Variants in OR3A1 observed in about 807,000 individuals in gnomAD.
OR3A1 encodes olfactory receptor family 3 subfamily A member 1.
For synonymous variants in OR3A1, 145 were observed against 160.0 expected, an observed-to-expected ratio of 0.91 and a Z score of 0.71; for missense variants, 402 against 393.8, an observed-to-expected ratio of 1.02 and a Z score of -0.18.
Position 3,291,281 on chromosome 17 carries a change from T to G in OR3A1, c.*354A>C, listed in dbSNP as rs1597321238. The G allele has an allele frequency of 5.1e-6, 1 of 196,960 alleles. No individual in the cohort carries two copies. Among genetic ancestry groups the G allele is most frequent in the South Asian group, 1.8e-4 (1 of 5,704 alleles). The allele number at this position is 196,960 out of a possible 1,614,324, so 12.2% of individuals were successfully genotyped here. A position where few individuals can be genotyped will look rare whatever the true frequency, so the allele number is the denominator to read the frequency against. On this transcript the variant is annotated 3_prime_UTR_variant, in exon 2 of 2. Coordinates refer to ENST00000323404, the MANE Select transcript of OR3A1 (RefSeq NM_002550.3). Reference sequence around the variant, plus strand: ...GAAAAATATGACTTCTGGCGGGGAGTTTTCTGGGGTACTTCTGGCAACTAA... The same window carrying G: ...GAAAAATATGACTTCTGGCGGGGAGGTTTCTGGGGTACTTCTGGCAACTAA...
In OR3A1 at chr17:3,296,074, C is replaced by G. The variant is rs9652830; in HGVS notation, c.-7+2209G>C. Among the ~76,000 whole-genome samples, 549 of 152,064 alleles carry G rather than the reference C, an allele frequency of 3.6e-3. 4 individuals are homozygous for G. Among genetic ancestry groups the G allele is most frequent in the African/African-American group, 0.013 (525 of 41,504 alleles). On this transcript the variant is annotated intron_variant, in intron 1 of 1. Transcript: ENST00000323404. ...GACATTGTACACCTTCCTTAAAGTG[C>G]CCATGAAACATTTACTGCCCAGAAA...
chr17:3,291,576 C>T lies in OR3A1; in HGVS notation c.*59G>A, dbSNP rs1024636533. ...GAACCATTTTTTTCCTAGTTTCTGGCTCTAGAAGACTTTTCCTTTAGTACA... is the reference window on the plus strand; with the variant it reads ...GAACCATTTTTTTCCTAGTTTCTGGTTCTAGAAGACTTTTCCTTTAGTACA... On this transcript the variant is annotated 3_prime_UTR_variant, in exon 2 of 2. Transcript: ENST00000323404. The T allele has an allele frequency of 2.2e-6, 3 of 1,390,416 alleles. No individual in the cohort carries two copies. Among genetic ancestry groups the T allele is most frequent in the South Asian group, 2.9e-5 (2 of 69,132 alleles). 86.1% of individuals were successfully genotyped at this position (1,390,416 alleles called of 1,614,324 possible). A position where few individuals can be genotyped will look rare whatever the true frequency, so the allele number is the denominator to read the frequency against.
Position 3,291,142 on chromosome 17 carries a change from T to G in OR3A1, c.*493A>C, listed in dbSNP as rs890525707. On this transcript the variant is annotated 3_prime_UTR_variant, in exon 2 of 2. Transcript: ENST00000323404. ...GGGAATAGAAAGAGCTACTTTTTTG[T>G]TTTTGTTTCTTTTTGTTTTATTTTT... 1.3e-5 allele frequency: 2 copies of G among 152,808 alleles called. No homozygotes were observed. The highest frequency in any genetic ancestry group is 2.9e-5 in the Non-Finnish European group (2 of 68,608). 9.5% of individuals were successfully genotyped at this position (152,808 alleles called of 1,614,324 possible).
rs703903 is a variant in OR3A1 at position 3,292,209 on chromosome 17, C to A, written c.374G>T (p.Arg125Leu). Residue 125 changes from arginine (R) to leucine (L), a missense_variant, in exon 2 of 2, where the codon CGA (arginine) becomes CTA (leucine). By Grantham distance (102) the Arg-to-Leu change is moderately radical. Coordinates refer to ENST00000323404, the MANE Select transcript of OR3A1 (RefSeq NM_002550.3). ...GAGGGGCCGGCAGATGGCCAGGAAT[C>A]GGTCATAGGCCATGGCGGTCAGCAG... ...CFLLTAMAYD[R>L]FLAICRPLTY... is the part of the protein sequence containing the mutation. 7.3e-4 allele frequency: 1,186 copies of A among 1,613,818 alleles called. 8 individuals are homozygous for A. In the African/African-American group the frequency reaches 0.014, roughly 19 times the overall value.
In OR3A1 at chr17:3,291,988, C is replaced by T. The variant is rs571849979; in HGVS notation, c.595G>A (p.Glu199Lys). The change falls in exon 2 of 2, where the codon GAG becomes AAG. Residue 199 changes from glutamate to lysine, a missense_variant. Glu to Lys is a moderately conservative substitution (Grantham distance 56). Transcript: ENST00000323404. ...QLSCSSTQLN[E>K]LLLFAVGFIM... ...AAACCCACAGCAAAAAGCAGCAGCTCATTGAGTTGGGTGCTGGAGCAGGAG... is the reference window on the plus strand; with the variant it reads ...AAACCCACAGCAAAAAGCAGCAGCTTATTGAGTTGGGTGCTGGAGCAGGAG... 6 of 1,614,190 alleles carry T rather than the reference C, an allele frequency of 3.7e-6. No individual in the cohort carries two copies. The highest frequency in any genetic ancestry group is 2.2e-5 in the East Asian group (1 of 44,888).
intron 1 of OR3A1, among the ~76,000 whole-genome samples, chr17:3,295,854 A>C (rs1002191775): frequency 6.6e-6 from 1 of 152,160 alleles, no homozygotes; most frequent in Non-Finnish European, 1.5e-5. Context: ...GGGTGCAAGA[A>C]GATGTAATAG....
At chr17:3,292,775 C>T (rs2048887971) in intron 1 of OR3A1, among the ~76,000 whole-genome samples, 187 bp from the exon 2 acceptor site, 1 of 152,130 alleles carries the variant, frequency 6.6e-6, no homozygotes. Flanking sequence ...ACCTGAATAA[C>T]TTTATTTGCA....
chr17:3,291,286 T>TG lies in OR3A1; in HGVS notation c.*348dup. 4.8e-6 allele frequency: 1 copy of TG among 206,790 alleles called. No individual in the cohort carries two copies. The highest frequency in any genetic ancestry group is 9.7e-6 in the Non-Finnish European group (1 of 103,534). 12.8% of individuals were successfully genotyped at this position (206,790 alleles called of 1,614,324 possible). ...ATATGACTTCTGGCGGGGAGTTTTC[T>TG]GGGGTACTTCTGGCAACTAAGGCTG... On this transcript the variant is annotated 3_prime_UTR_variant, in exon 2 of 2. Coordinates refer to ENST00000323404, the MANE Select transcript of OR3A1 (RefSeq NM_002550.3).
rs2048913586 is a variant in OR3A1, at chr17:3,295,725, A to G, written c.-7+2558T>C. On this transcript the variant is annotated intron_variant, in intron 1 of 1. Transcript: ENST00000323404. ...AAACCAAGTTAATTAGAAAGGGTGA[A>G]AGGTAAAGGAATACCAGTCAGATGT... Among the ~76,000 whole-genome samples the G allele has an allele frequency of 2.0e-5, 3 of 152,158 alleles. No homozygotes were observed. The South Asian group carries it at 6.2e-4, about 31-fold the overall frequency.
chr17:3,292,324 G>C lies in OR3A1; in HGVS notation c.259C>G (p.Arg87Gly). The C allele has an allele frequency of 6.2e-7, 1 of 1,614,084 alleles. No homozygotes were observed. The highest frequency in any genetic ancestry group is 8.5e-7 in the Non-Finnish European group (1 of 1,179,996). ...ACTGCACGCTTGCGGGACAGGAGAC[G>C]ACTCAACATTGATGGAACAGTGACG... is the stretch of plus-strand genomic sequence containing the variant. ...ISVTVPSMLSRLLSRKRAVPC... is the reference protein window; with the variant it reads ...ISVTVPSMLSGLLSRKRAVPC... The change falls in exon 2 of 2, where the codon CGT becomes GGT. Residue 87 changes from arginine to glycine, a missense_variant. Physicochemically the swap from Arg to Gly is moderately radical, Grantham distance 125 (BLOSUM62 -2). Transcript: ENST00000323404.
chr17:3,295,967 G>A (rs561948015), intron 1 of OR3A1, among the ~76,000 whole-genome samples: 2 of 152,240 alleles, frequency 1.3e-5, no homozygotes, highest in East Asian at 3.9e-4. Flanking sequence ...GTGGATTTTA[G>A]TGACTTTCAG....
rs766058905 is a variant in OR3A1, at chr17:3,292,436, C to T, written c.147G>A (p.Leu49=). The change falls in exon 2 of 2, where the codon CTG becomes CTA. Residue 49 remains leucine (L), a synonymous_variant. Coordinates refer to ENST00000323404, the MANE Select transcript of OR3A1 (RefSeq NM_002550.3). The part of the protein sequence containing the change: ...LVTVRGNLSI[L]AAVLVEPKLH... Reference sequence around the variant, plus strand: ...GTTTGGGCTCCACCAAGACAGCTGCCAGGATGCTGAGGTTGCCCCTGACCG... The same window carrying T: ...GTTTGGGCTCCACCAAGACAGCTGCTAGGATGCTGAGGTTGCCCCTGACCG... 7.4e-6 allele frequency: 12 copies of T among 1,613,856 alleles called. No individual in the cohort carries two copies. The highest frequency in any genetic ancestry group is 1.3e-5 in the African/African-American group (1 of 74,852).
Position 3,292,589 on chromosome 17 carries a change from C to T in OR3A1, c.-6-1G>A, listed in dbSNP as rs1196392762. On this transcript the variant is annotated splice_acceptor_variant, in intron 1 of 1. Coordinates refer to ENST00000323404, the MANE Select transcript of OR3A1 (RefSeq NM_002550.3). LOFTEE classifies it low-confidence loss of function (5UTR_SPLICE). Reference sequence around the variant, plus strand: ...CCCCAGATTCTGGCTGCATGAGTTCCTGCAAAGAAACATCCAGGGAGGAAA... The same window carrying T: ...CCCCAGATTCTGGCTGCATGAGTTCTTGCAAAGAAACATCCAGGGAGGAAA... 3 of 1,589,588 alleles carry T rather than the reference C, an allele frequency of 1.9e-6. No individual in the cohort carries two copies. Among genetic ancestry groups the T allele is most frequent in the South Asian group, 1.1e-5 (1 of 88,854 alleles).
In OR3A1 at chr17:3,291,956, C is replaced by T. The variant is rs1350526054; in HGVS notation, c.627G>A (p.Met209Ile). Residue 209 changes from methionine (M) to isoleucine (I), a missense_variant, in exon 2 of 2, where the codon ATG (methionine) becomes ATA (isoleucine). Physicochemically the swap from Met to Ile is conservative, Grantham distance 10 (BLOSUM62 1). Coordinates refer to ENST00000323404, the MANE Select transcript of OR3A1 (RefSeq NM_002550.3). ...CAATGAGAGCCATGGGGGTACCTGC[C>T]ATTATAAAACCCACAGCAAAAAGCA... ...ELLLFAVGFI[M>I]AGTPMALIVI... 1.2e-6 allele frequency: 2 copies of T among 1,614,110 alleles called. No individual in the cohort carries two copies. The highest frequency in any genetic ancestry group is 1.7e-6 in the Non-Finnish European group (2 of 1,180,006).
At chr17:3,293,696 G>A (rs1235464682) in intron 1 of OR3A1, among the ~76,000 whole-genome samples, 2 of 152,122 alleles carry the variant, frequency 1.3e-5, no homozygotes, top group Non-Finnish European at 2.9e-5. Context: ...GCAAAGACAT[G>A]GAATCAACCC....
chr17:3,297,213 C>A (rs941998779), intron 1 of OR3A1, among the ~76,000 whole-genome samples: 3 of 152,112 alleles, frequency 2.0e-5, no homozygotes, highest in Admixed American at 6.6e-5. Context: ...ATCAACAATT[C>A]CTGTTGTATC....
Position 3,291,610 on chromosome 17 carries a change from G to A in OR3A1, c.*25C>T, listed in dbSNP as rs774662815. The A allele has an allele frequency of 6.5e-6, 10 of 1,540,672 alleles. No individual in the cohort carries two copies. The African/African-American group carries it at 1.1e-4, about 17-fold the overall frequency. ...ACTTTTCCTTTAGTACAAGACACAG[G>A]GAGAAAGGGTCAATTGAGACCTCCT... On this transcript the variant is annotated 3_prime_UTR_variant, in exon 2 of 2. Coordinates refer to ENST00000323404, the MANE Select transcript of OR3A1 (RefSeq NM_002550.3).
Position 3,292,383 on chromosome 17 carries a change from C to T in OR3A1, c.200G>A (p.Gly67Glu). ...KLHTPMYFFL[G>E]NLSVLDVGCI... ...CCCAACATCCAGCACTGATAGGTTC[C>T]CCAGGAAGAAGTACATGGGGGTGTG... Residue 67 changes from glycine to glutamate, a missense_variant, in exon 2 of 2, where the codon GGG becomes GAG. Coordinates refer to ENST00000323404, the MANE Select transcript of OR3A1 (RefSeq NM_002550.3). 1 of 1,613,992 alleles carries T rather than the reference C, an allele frequency of 6.2e-7. No individual in the cohort carries two copies. The highest frequency in any genetic ancestry group is 8.5e-7 in the Non-Finnish European group (1 of 1,179,994).
rs1236932428 is a variant in OR3A1 at position 3,292,174 on chromosome 17, T to G, written c.409A>C (p.Thr137Pro). The G allele has an allele frequency of 6.2e-7, 1 of 1,613,642 alleles. No homozygotes were observed. The highest frequency in any genetic ancestry group is 8.5e-7 in the Non-Finnish European group (1 of 1,179,970). ...LAICRPLTYS[T>P]RMSQTVQRML... ...CTCTGGACTGTCTGACTCATGCGGG[T>G]GCTGTAGGTGAGGGGCCGGCAGATG... The change falls in exon 2 of 2, where the codon ACC becomes CCC. Residue 137 changes from threonine (T) to proline (P), a missense_variant. Coordinates refer to ENST00000323404, the MANE Select transcript of OR3A1 (RefSeq NM_002550.3).
Sources: gnomAD v4.1 joint callset for allele counts (sites outside exome capture counted in the v4.1 genomes callset) on GRCh38, gnomAD v4.1.1 for gene constraint, MANE v1.5 for transcripts, NCBI Gene and HGNC (gene_info 2026-07-23, HGNC 2026-07-21) for gene names.